Variants in GATB observed in about 807,000 individuals in gnomAD.
GATB encodes the protein glutamyl-tRNA(Gln) amidotransferase subunit B, mitochondrial.
GATB carries 39 observed loss-of-function variants against 62.3 expected under a neutral mutation model. That is an observed-to-expected ratio of 0.63 (90% CI 0.48 to 0.82). The LOEUF (loss-of-function observed/expected upper bound fraction) is 0.82, where lower values mean the gene tolerates loss of function less well. Among genes scored for constraint, GATB ranks in the 40% least tolerant of loss-of-function variants. The pLI, the probability that GATB is intolerant of heterozygous loss-of-function variation, is 0.00. For synonymous variants in GATB, 276 were observed against 258.9 expected (o/e 1.07, Z -0.63); for missense variants, 670 against 684.0 (o/e 0.98, Z 0.23).
chr4:151,684,972 C>A (rs145399270), intron 10 of GATB, among the ~76,000 whole-genome samples: 1 of 152,180 alleles, frequency 6.6e-6, no homozygotes, highest in Admixed American at 6.5e-5. Flanking sequence ...ACAAGCCAGG[C>A]GACTTGGCTT....
intron 2 of GATB, among the ~76,000 whole-genome samples, chr4:151,731,809 G>A (rs1197401231): frequency 8.1e-5 from 12 of 148,242 alleles, no homozygotes; most frequent in East Asian, 2.0e-4. Context: ...CGGCCGCCCC[G>A]TCTGAGAAGT....
chr4:151,756,104 A>G (rs1739823453), intron 2 of GATB, among the ~76,000 whole-genome samples: 1 of 152,210 alleles, frequency 6.6e-6, no homozygotes, highest in South Asian at 2.1e-4. Flanking sequence ...ACAATCAGCC[A>G]GGTAGAGGGC....
At chr4:151,710,978 C>A (rs970805921) in intron 5 of GATB, among the ~76,000 whole-genome samples, 4 of 152,232 alleles carry the variant, frequency 2.6e-5, no homozygotes, top group Non-Finnish European at 5.9e-5. Flanking sequence ...TTTGCCCCTG[C>A]ACAAAGACAT....
rs868593034 is a variant in GATB at position 151,732,039 on chromosome 4, C to T, written c.328-12501G>A. 3.5e-3 allele frequency among the ~76,000 whole-genome samples: 412 copies of T among 118,240 alleles called. 2 individuals carry two copies. Among genetic ancestry groups the T allele is most frequent in the African/African-American group, 9.0e-3 (214 of 23,842 alleles). 77.6% of individuals were successfully genotyped at this position (118,240 alleles called of 152,430 possible). A position where few individuals can be genotyped will look rare whatever the true frequency, so the allele number is the denominator to read the frequency against. On this transcript the variant is annotated intron_variant, in intron 2 of 12. Transcript: ENST00000263985. ...TCAGCCCCCGCCCGGCCAGCCGCCC[C>T]GTCCGGGAGGGAGGTGGGGGGGTCA...
intron 10 of GATB, among the ~76,000 whole-genome samples, chr4:151,683,716 G>GT (rs1274973305): frequency 6.6e-6 from 1 of 152,194 alleles, no homozygotes; most frequent in Admixed American, 6.5e-5. Flanking sequence ...TTTAACAAAG[G>GT]TAAAAGCAAT....
At position 151,730,149 on chromosome 4, in the gene GATB, A is replaced by T. The variant is rs1390964893; in HGVS notation, c.328-10611T>A. Among the ~76,000 whole-genome samples the T allele has an allele frequency of 6.6e-6, 1 of 152,106 alleles. No individual in the cohort carries two copies. The highest frequency in any genetic ancestry group is 1.5e-5 in the Non-Finnish European group (1 of 68,012). On this transcript the variant is annotated intron_variant, in intron 2 of 12. Coordinates refer to ENST00000263985, the MANE Select transcript of GATB (RefSeq NM_004564.3). This position sits in a 1 kb window ranked among gnomAD's most constrained non-coding sequence, Gnocchi z 4.1. ...GAGCTGGGTGAGGCCTGTGACTGCC[A>T]GCTTTCCCCTTCTTCCCTGACAACC...
chr4:151,758,630 T>C, intron 2 of GATB, 142 bp downstream of exon 2: 1 of 641,222 alleles, frequency 1.6e-6, no homozygotes, highest in East Asian at 2.9e-5. Flanking sequence ...AGAAAACATT[T>C]AATATATCCC....
intron 11 of GATB, chr4:151,675,323 C>T: frequency 6.6e-6 from 1 of 152,276 alleles, no homozygotes; most frequent in African/African-American, 2.4e-5. Flanking sequence ...AGTTAGAATA[C>T]ATAATGTTAG....
At chr4:151,758,966 C>A (rs755421265) in intron 1 of GATB, 44 bp from the exon 2 acceptor site, 2 of 1,410,110 alleles carry the variant, frequency 1.4e-6, no homozygotes, top group South Asian at 2.8e-5. Flanking sequence ...ATATTTGTCA[C>A]CATGAATGAA....
chr4:151,726,041 T>C (rs556434767), intron 2 of GATB, among the ~76,000 whole-genome samples: 24 of 152,370 alleles, frequency 1.6e-4, no homozygotes, highest in Non-Finnish European at 2.8e-4. Context: ...TAGAAGGTGA[T>C]GTTTTCCAAA....
intron 2 of GATB, among the ~76,000 whole-genome samples, chr4:151,738,298 C>T (rs1739420196): frequency 6.6e-6 from 1 of 152,158 alleles, no homozygotes; most frequent in African/African-American, 2.4e-5. Context: ...TAAGATTTGA[C>T]CTGGTTGGAG....
chr4:151,678,007 G>A (rs1560840024), intron 11 of GATB: 1 of 151,996 alleles, frequency 6.6e-6, no homozygotes, highest in East Asian at 1.9e-4. Flanking sequence ...TAGAACCTGA[G>A]AATCTTTGTT....
chr4:151,735,762 G>T (rs905141821), intron 2 of GATB, among the ~76,000 whole-genome samples: 13 of 82,310 alleles, frequency 1.6e-4, no homozygotes, highest in African/African-American at 7.5e-4. Flanking sequence ...ATATATGATG[G>T]AATACTACTC....
chr4:151,731,174 G>A (rs949561434), intron 2 of GATB, among the ~76,000 whole-genome samples: 2 of 149,786 alleles, frequency 1.3e-5, no homozygotes, highest in African/African-American at 4.9e-5. Context: ...AGCCGAGGCT[G>A]GACTATACTG....
chr4:151,672,106 G>A (rs1222387829), intron 12 of GATB, among the ~76,000 whole-genome samples: 4 of 152,090 alleles, frequency 2.6e-5, no homozygotes, highest in Admixed American at 6.5e-5. Flanking sequence ...GGGTGGGTGG[G>A]TATTATTCTG....
chr4:151,690,552 C>A (rs1738344151), intron 9 of GATB, among the ~76,000 whole-genome samples: 1 of 152,260 alleles, frequency 6.6e-6, no homozygotes, highest in Non-Finnish European at 1.5e-5. Context: ...CTAACCCAGA[C>A]AGGCTGGCCC....
intron 2 of GATB, among the ~76,000 whole-genome samples, chr4:151,758,296 A>G (rs1311437673): frequency 6.6e-6 from 1 of 152,220 alleles, no homozygotes; most frequent in Non-Finnish European, 1.5e-5. Flanking sequence ...CCACCTCTTC[A>G]GTAACCCTTC....
At position 151,760,951 on chromosome 4, in the gene GATB, C is replaced by T. The variant is rs773984684; in HGVS notation, c.32G>A (p.Arg11His). Residue 11 changes from arginine to histidine, a missense_variant, in exon 1 of 13, where the codon CGT becomes CAT. Physicochemically the swap from Arg to His is conservative, Grantham distance 29. Transcript: ENST00000263985. Reference sequence around the variant, plus strand: ...CCGGGCGAAAGCCCAACGTCTTCCACGGCAGCCCCAGCGCAGCATGGGCGC... The same window carrying T: ...CCGGGCGAAAGCCCAACGTCTTCCATGGCAGCCCCAGCGCAGCATGGGCGC... MAAPMLRWGCRGRRWAFARVD... is the reference protein window; with the variant it reads MAAPMLRWGCHGRRWAFARVD... 19 of 1,613,224 alleles carry T rather than the reference C, an allele frequency of 1.2e-5. No homozygotes were observed. The East Asian group carries it at 2.9e-4, about 25-fold the overall frequency.
intron 2 of GATB, among the ~76,000 whole-genome samples, chr4:151,746,383 C>A (rs1444696562): frequency 6.6e-6 from 1 of 152,074 alleles, no homozygotes; most frequent in Non-Finnish European, 1.5e-5. Flanking sequence ...CAACCATATA[C>A]AAAGTATTAC....
Sources: gnomAD v4.1 joint callset for allele counts (sites outside exome capture counted in the v4.1 genomes callset) on GRCh38, gnomAD v4.1.1 for gene constraint, Gnocchi (gnomAD v3.1) non-coding constraint, MANE v1.5 for transcripts, NCBI Gene and HGNC (gene_info 2026-07-23, HGNC 2026-07-21) for gene names.